Variants in ENTPD7 observed in about 807,000 individuals in gnomAD.
The protein encoded by ENTPD7 is NTPDase 7.
ENTPD7 carries 53 observed loss-of-function variants against 77.9 expected under a neutral mutation model. The ratio of observed to expected loss-of-function variants is 0.68; its 90% CI spans 0.55 to 0.85. The LOEUF is 0.85. Ranked by LOEUF, ENTPD7 falls within the 40% of genes least tolerant of loss-of-function variation. The pLI is 0.00. For missense variants in ENTPD7, 636 were observed against 743.7 expected (o/e 0.86, Z 1.68); for synonymous variants, 248 against 274.9 (o/e 0.90, Z 0.97).
intron 3 of ENTPD7, among the ~76,000 whole-genome samples, chr10:99,672,256 A>T (rs1341721967): frequency 6.8e-6 from 1 of 146,734 alleles, no homozygotes; most frequent in East Asian, 2.0e-4. Flanking sequence ...AAGTGCTGGG[A>T]TTACAGGCAT....
chr10:99,711,142 A>G lies in ENTPD7; in HGVS notation c.*6459A>G, dbSNP rs188726020. On this transcript the variant is annotated 3_prime_UTR_variant, in exon 13 of 13. Transcript: ENST00000370489. ...ATAATCATTCACCAGAAGCTCATAG[A>G]TATAATACAGTTATATAGCTAAATG... 9 of 985,274 alleles carry G rather than the reference A, an allele frequency of 9.1e-6. No homozygotes were observed. The East Asian group carries it at 4.5e-4, about 50-fold the overall frequency. The allele number at this position is 985,274 out of a possible 1,614,324, so 61.0% of individuals were successfully genotyped here.
rs1165980808 is a variant in ENTPD7, at chr10:99,696,105, A to G, written c.993A>G (p.Glu331=). Residue 331 remains glutamate, a synonymous_variant, in exon 9 of 13, where the codon GAA becomes GAG. Transcript: ENST00000370489. ...GCTACGAAGACCTTGTTCTGAATGA[A>G]ACTCTTAACAAAAACAGGTACATTT... is the stretch of plus-strand genomic sequence containing the variant. The part of the protein sequence containing the change: ...RQRYEDLVLN[E]TLNKNRLLGQ... 6.2e-7 allele frequency: 1 copy of G among 1,612,998 alleles called. No homozygotes were observed. Among genetic ancestry groups the G allele is most frequent in the East Asian group, 2.2e-5 (1 of 44,876 alleles).
At chr10:99,684,321 G>C (rs536250798) in intron 5 of ENTPD7, among the ~76,000 whole-genome samples, 1 of 152,246 alleles carries the variant, frequency 6.6e-6, no homozygotes, top group African/African-American at 2.4e-5. Context: ...CAAAGTGCTG[G>C]GATTATAGGC....
At chr10:99,697,572 T>TC (rs2036010723) in intron 9 of ENTPD7, 1 of 154,966 alleles carries the variant, frequency 6.5e-6, no homozygotes, top group Non-Finnish European at 1.4e-5. Context: ...TAGCTGCCAG[T>TC]CTATTAACCT....
chr10:99,674,986 T>C (rs2035662974), intron 3 of ENTPD7, among the ~76,000 whole-genome samples: 1 of 152,252 alleles, frequency 6.6e-6, no homozygotes, highest in South Asian at 2.1e-4. Context: ...TTCTGCTATA[T>C]GCTGAAGTTG....
chr10:99,705,256 G>A lies in ENTPD7; in HGVS notation c.*573G>A, dbSNP rs2036229924. 1 of 157,982 alleles carries A rather than the reference G, an allele frequency of 6.3e-6. No homozygotes were observed. The highest frequency in any genetic ancestry group is 1.4e-5 in the Non-Finnish European group (1 of 71,010). 9.8% of individuals were successfully genotyped at this position (157,982 alleles called of 1,614,324 possible). A position where few individuals can be genotyped will look rare whatever the true frequency, so the allele number is the denominator to read the frequency against. On this transcript the variant is annotated 3_prime_UTR_variant, in exon 13 of 13. Transcript: ENST00000370489. ...CTTCCTTGACAAAGAAGCCATCATG[G>A]GTGTGATCCAAGATCCCTGTCGTAG...
intron 3 of ENTPD7, among the ~76,000 whole-genome samples, chr10:99,677,524 C>G (rs887233915): frequency 5.9e-5 from 9 of 152,124 alleles, no homozygotes; most frequent in Non-Finnish European, 5.9e-5. Flanking sequence ...ACCACCATGC[C>G]TGGCTAATTT....
chr10:99,674,131 A>G (rs1242824188), intron 3 of ENTPD7, among the ~76,000 whole-genome samples: 1 of 152,208 alleles, frequency 6.6e-6, no homozygotes, highest in Non-Finnish European at 1.5e-5. Flanking sequence ...GCCATGTCCA[A>G]GGAGACAGGA....
At chr10:99,697,784 G>C (rs916345361) in intron 9 of ENTPD7, 2 of 159,420 alleles carry the variant, frequency 1.3e-5, no homozygotes, top group Admixed American at 6.3e-5. Flanking sequence ...TTCAACATCT[G>C]TCTGTTTAGG....
Position 99,709,164 on chromosome 10 carries a change from G to A in ENTPD7, c.*4481G>A, listed in dbSNP as rs1038216904. 4.1e-6 allele frequency: 4 copies of A among 985,152 alleles called. No individual in the cohort carries two copies. Among genetic ancestry groups the A allele is most frequent in the Admixed American group, 1.2e-4 (2 of 16,280 alleles). The allele number at this position is 985,152 out of a possible 1,614,324, so 61.0% of individuals were successfully genotyped here. On this transcript the variant is annotated 3_prime_UTR_variant, in exon 13 of 13. Transcript: ENST00000370489. ...TTAGATGACTACAGCCTAGATGAAG[G>A]TATAAATGCCTATTACATCTACCTC...
intron 7 of ENTPD7, among the ~76,000 whole-genome samples, chr10:99,690,406 A>C (rs2035865109): frequency 6.6e-6 from 1 of 152,000 alleles, no homozygotes; most frequent in Non-Finnish European, 1.5e-5. Flanking sequence ...CATATTTCTG[A>C]CTCATATGTA....
Position 99,698,638 on chromosome 10 carries a change from A to C in ENTPD7, c.1115A>C (p.His372Pro), listed in dbSNP as rs2133503062. ...DVVERNSQVLHVRGRGDWVSC... is the reference protein window; with the variant it reads ...DVVERNSQVLPVRGRGDWVSC... Reference sequence around the variant, plus strand: ...GTGGAGAGGAACAGCCAAGTCTTACATGTCCGAGGAAGAGGAGACTGGGTG... The same window carrying C: ...GTGGAGAGGAACAGCCAAGTCTTACCTGTCCGAGGAAGAGGAGACTGGGTG... The change falls in exon 10 of 13, where the codon CAT becomes CCT. Residue 372 changes from histidine to proline, a missense_variant. This residue lies in a region of ENTPD7 where 486 missense variants were observed against 556.5 expected (regional missense o/e 0.87). Transcript: ENST00000370489. The C allele has an allele frequency of 6.2e-7, 1 of 1,614,200 alleles. No homozygotes were observed. Among genetic ancestry groups the C allele is most frequent in the East Asian group, 2.2e-5 (1 of 44,888 alleles).
chr10:99,704,898 G>C lies in ENTPD7; in HGVS notation c.*215G>C, dbSNP rs949197150. The C allele has an allele frequency of 1.5e-5, 9 of 585,230 alleles. No individual in the cohort carries two copies. The highest frequency in any genetic ancestry group is 9.1e-5 in the Admixed American group (3 of 33,084). The allele number at this position is 585,230 out of a possible 1,614,324, so 36.3% of individuals were successfully genotyped here. A position where few individuals can be genotyped will look rare whatever the true frequency, so the allele number is the denominator to read the frequency against. ...ATCTGTGAGGAACTAAATGACAGGA[G>C]ATTGGTGCTAATACGGGGGACCAAG... On this transcript the variant is annotated 3_prime_UTR_variant, in exon 13 of 13. Transcript: ENST00000370489.
intron 3 of ENTPD7, among the ~76,000 whole-genome samples, chr10:99,661,851 T>G (rs1222803170): frequency 6.6e-6 from 1 of 152,230 alleles, no homozygotes; most frequent in Non-Finnish European, 1.5e-5. Context: ...CTTGTTTTGG[T>G]GGGCTGAAAC....
chr10:99,677,442 G>A (rs1347937164), intron 3 of ENTPD7, among the ~76,000 whole-genome samples: 1 of 134,790 alleles, frequency 7.4e-6, no homozygotes, highest in African/African-American at 2.8e-5. Flanking sequence ...TCAGCTCACC[G>A]AAACCTCCGC....
chr10:99,688,617 G>T, intron 6 of ENTPD7, 77 bp from the exon 7 acceptor site: 1 of 1,318,206 alleles, frequency 7.6e-7, no homozygotes, highest in Non-Finnish European at 1.0e-6. Flanking sequence ...AAAGAGGAAA[G>T]AGAAGCCCTA....
chr10:99,671,584 C>T (rs551983905), intron 3 of ENTPD7, among the ~76,000 whole-genome samples: 4 of 152,272 alleles, frequency 2.6e-5, no homozygotes, highest in East Asian at 1.9e-4. Context: ...TTGACTGAAA[C>T]GTCATTATGC....
intron 3 of ENTPD7, among the ~76,000 whole-genome samples, chr10:99,663,674 T>C (rs1374964585): frequency 1.3e-5 from 2 of 152,090 alleles, no homozygotes; most frequent in Non-Finnish European, 2.9e-5. Context: ...TTGCTCAAGC[T>C]GGTCTCAAAC....
In ENTPD7 at chr10:99,704,556, T is replaced by C. The variant is rs749062328; in HGVS notation, c.1688T>C (p.Leu563Pro). The change falls in exon 13 of 13, where the codon CTG becomes CCG. Residue 563 changes from leucine (L) to proline (P), a missense_variant. By Grantham distance (98) the Leu-to-Pro change is moderately conservative (BLOSUM62 -3). Coordinates refer to ENST00000370489, the MANE Select transcript of ENTPD7 (RefSeq NM_020354.5). ...TTTGCCTGTATCCTGGTGGTGCTAC[T>C]GGCCATCTTCCTATACCTTCTGCGG... The part of the protein sequence containing the change: ...LFFACILVVL[L>P]AIFLYLLRLR... 7 of 1,614,112 alleles carry C rather than the reference T, an allele frequency of 4.3e-6. No homozygotes were observed. The highest frequency in any genetic ancestry group is 5.1e-6 in the Non-Finnish European group (6 of 1,180,040).
Sources: allele counts gnomAD v4.1 joint callset (sites outside exome capture counted in the v4.1 genomes callset), GRCh38; gene constraint gnomAD v4.1.1; regional missense constraint gnomAD v4.1.1; transcripts MANE v1.5; gene names NCBI Gene and HGNC (gene_info 2026-07-23, HGNC 2026-07-21).